Variants in CABCOCO1 observed in about 807,000 individuals in gnomAD.
The protein encoded by CABCOCO1 is ciliary-associated calcium-binding coiled-coil protein 1.
In CABCOCO1, 28 loss-of-function variants were observed where a neutral mutation model predicts 35.7. That is an observed-to-expected ratio of 0.78 (90% CI 0.58 to 1.07). The LOEUF is 1.07. Ranked by LOEUF, CABCOCO1 falls within the 50% of genes least tolerant of loss-of-function variation. The pLI is 0.00. For missense variants in CABCOCO1, 326 were observed against 309.2 expected (o/e 1.05, Z -0.41); for synonymous variants, 95 against 100.1 (o/e 0.95, Z 0.30).
At chr10:61,707,894 C>T (rs1036570443) in intron 5 of CABCOCO1, among the ~76,000 whole-genome samples, 11 of 151,920 alleles carry the variant, frequency 7.2e-5, no homozygotes, top group African/African-American at 2.7e-4. Flanking sequence ...CAAAGGTAAG[C>T]CCCCCACCAC....
intron 5 of CABCOCO1, among the ~76,000 whole-genome samples, chr10:61,692,729 AC>A (rs1037299148): frequency 6.6e-6 from 1 of 152,066 alleles, no homozygotes; most frequent in Non-Finnish European, 1.5e-5. Flanking sequence ...AAAACAAGGA[AC>A]CCTTTTTGCT....
intron 1 of CABCOCO1, 32 bp from the exon 2 acceptor site, chr10:61,672,600 A>T: frequency 1.7e-6 from 1 of 576,112 alleles, no homozygotes; most frequent in Non-Finnish European, 2.2e-6. Context: ...ACGTACAATT[A>T]AAGTAACTCA....
At chr10:61,696,358 T>C (rs10994881) in intron 5 of CABCOCO1, among the ~76,000 whole-genome samples, 61,261 of 151,764 alleles carry the variant, frequency 0.4, 14,449 homozygotes, top group Middle Eastern at 0.54. Flanking sequence ...GTAATAAATA[T>C]GAGAAAAATA....
chr10:61,707,258 T>C (rs935364940), intron 5 of CABCOCO1, among the ~76,000 whole-genome samples: 5 of 152,056 alleles, frequency 3.3e-5, no homozygotes, highest in Non-Finnish European at 5.9e-5. Context: ...GCGAATGTGT[T>C]GATGTGAGTG....
At chr10:61,733,696 A>C (rs939138200) in intron 5 of CABCOCO1, among the ~76,000 whole-genome samples, 1 of 152,104 alleles carries the variant, frequency 6.6e-6, no homozygotes, top group Non-Finnish European at 1.5e-5. Context: ...AAATATAAGA[A>C]ACATTCACAG....
At chr10:61,698,012 A>G (rs1174167613) in intron 5 of CABCOCO1, among the ~76,000 whole-genome samples, 1 of 152,110 alleles carries the variant, frequency 6.6e-6, no homozygotes, top group Non-Finnish European at 1.5e-5. Flanking sequence ...TTCTATCATG[A>G]ATTATGCATT....
intron 4 of CABCOCO1, among the ~76,000 whole-genome samples, chr10:61,690,172 C>G (rs1268892458): frequency 6.6e-6 from 1 of 152,016 alleles, no homozygotes; most frequent in Non-Finnish European, 1.5e-5. Context: ...AAATTGACTC[C>G]TGTTTGCAGC....
intron 5 of CABCOCO1, among the ~76,000 whole-genome samples, chr10:61,734,619 T>C (rs1002619705): frequency 6.6e-6 from 1 of 152,080 alleles, no homozygotes; most frequent in Non-Finnish European, 1.5e-5. Flanking sequence ...TTCACATAAA[T>C]CTTTTTAAAT....
intron 5 of CABCOCO1, among the ~76,000 whole-genome samples, chr10:61,745,451 G>T (rs778841960): frequency 6.6e-6 from 1 of 152,048 alleles, no homozygotes; most frequent in Non-Finnish European, 1.5e-5. Context: ...TCCCTAACAG[G>T]TACATTGTTT....
chr10:61,728,046 C>G (rs1215520289), intron 5 of CABCOCO1, among the ~76,000 whole-genome samples: 1 of 152,174 alleles, frequency 6.6e-6, no homozygotes, highest in Non-Finnish European at 1.5e-5. Context: ...GGGTTACACA[C>G]ATCAGTATTT....
chr10:61,732,018 A>G (rs1027005626), intron 5 of CABCOCO1, among the ~76,000 whole-genome samples: 3 of 152,136 alleles, frequency 2.0e-5, no homozygotes, highest in African/African-American at 7.2e-5. Flanking sequence ...ATTTTAAAGC[A>G]AAAGAATTTT....
intron 2 of CABCOCO1, among the ~76,000 whole-genome samples, chr10:61,677,455 TTCC>T (rs1721208078): frequency 6.6e-6 from 1 of 152,222 alleles, no homozygotes; most frequent in African/African-American, 2.4e-5. Flanking sequence ...GTATGAAGGC[TTCC>T]TATTTCTCCT....
chr10:61,763,398 T>C (rs1049098866), intron 7 of CABCOCO1, among the ~76,000 whole-genome samples: 3 of 152,052 alleles, frequency 2.0e-5, no homozygotes, highest in Non-Finnish European at 4.4e-5. Context: ...ATCTTGGCCC[T>C]GAGATGTTAA....
chr10:61,744,949 G>C (rs181927521), intron 5 of CABCOCO1, among the ~76,000 whole-genome samples: 55 of 152,260 alleles, frequency 3.6e-4, no homozygotes, highest in Admixed American at 3.2e-3. Flanking sequence ...ATTTCCATTT[G>C]CTACTTTTTC....
chr10:61,684,260 C>T (rs1839888300), intron 3 of CABCOCO1, among the ~76,000 whole-genome samples: 1 of 152,150 alleles, frequency 6.6e-6, no homozygotes, highest in Non-Finnish European at 1.5e-5. Flanking sequence ...ATTCATTAAA[C>T]CAGATTTTAA....
intron 5 of CABCOCO1, among the ~76,000 whole-genome samples, chr10:61,705,568 A>G (rs1273687058): frequency 6.6e-6 from 1 of 152,206 alleles, no homozygotes; most frequent in Non-Finnish European, 1.5e-5. Context: ...GTAAACCCAC[A>G]GGCACATAAT....
chr10:61,759,218 C>T (rs1252474777), intron 5 of CABCOCO1, among the ~76,000 whole-genome samples: 6 of 151,924 alleles, frequency 3.9e-5, no homozygotes, highest in Admixed American at 6.6e-5. Flanking sequence ...GGCATGAAAA[C>T]GAGAACCCTC....
chr10:61,683,799 T>A (rs1176063724), intron 3 of CABCOCO1, among the ~76,000 whole-genome samples: 2 of 152,176 alleles, frequency 1.3e-5, no homozygotes, highest in African/African-American at 4.8e-5. Flanking sequence ...TTCAGTTAGA[T>A]AAATGAAATT....
intron 5 of CABCOCO1, among the ~76,000 whole-genome samples, chr10:61,724,213 T>C (rs1020912711): frequency 2.0e-5 from 3 of 152,152 alleles, no homozygotes; most frequent in African/African-American, 7.2e-5. Context: ...CTCAATATTG[T>C]ACAAATTCAA....
Sources: allele counts gnomAD v4.1 joint callset (sites outside exome capture counted in the v4.1 genomes callset), GRCh38; gene constraint gnomAD v4.1.1; transcripts MANE v1.5; gene names NCBI Gene and HGNC (gene_info 2026-07-23, HGNC 2026-07-21).